MGAT4D: variants seen among roughly 807,000 people sequenced by gnomAD.
MGAT4D encodes MGAT4 family member D, also known as alpha-1,3-mannosyl-glycoprotein 4-beta-N-acetylglucosaminyltransferase-like protein MGAT4D.
A neutral mutation model predicts 15.9 loss-of-function variants in MGAT4D; 34 were observed. The ratio of observed to expected loss-of-function variants is 2.14; its 90% CI spans 1.62 to 2.84. The LOEUF (loss-of-function observed/expected upper bound fraction) is 2.84, where lower values mean the gene tolerates loss of function less well. Ranked by LOEUF, MGAT4D falls within the 30% of genes most tolerant of loss-of-function variation. MGAT4D has a pLI of 0.00. For missense variants in MGAT4D, 327 were observed against 140.2 expected, an observed-to-expected ratio of 2.33 and a Z score of -6.73; for synonymous variants, 112 against 48.2, an observed-to-expected ratio of 2.33 and a Z score of -5.49.
rs145900057 is a variant in MGAT4D at position 140,491,132 on chromosome 4, C to T, written c.94+6997G>A. The stretch of plus-strand genomic sequence containing the variant: ...GTTATTGTACATGTATTTTAAATTC[C>T]ACAGGACATTTCAATTATTCTCTTG... On this transcript the variant is annotated intron_variant, in intron 1 of 10. Transcript: ENST00000511113. Among the ~76,000 whole-genome samples the T allele has an allele frequency of 1.6e-3, 246 of 152,220 alleles. 2 individuals carry two copies. The highest frequency in any genetic ancestry group is 5.6e-3 in the African/African-American group (234 of 41,542).
chr4:140,460,198 C>G (rs1731082221), intron 7 of MGAT4D, among the ~76,000 whole-genome samples: 2 of 152,216 alleles, frequency 1.3e-5, no homozygotes, highest in South Asian at 4.1e-4. Flanking sequence ...CTCACAAATA[C>G]TTCAGTTTCT....
At chr4:140,498,053 C>G in intron 1 of MGAT4D, 76 bp downstream of exon 1, 1 of 660,868 alleles carries the variant, frequency 1.5e-6, no homozygotes, top group South Asian at 1.6e-5. Flanking sequence ...ACCCGCCGAC[C>G]CTGCCCCGCC....
chr4:140,479,639 A>C lies in MGAT4D; in HGVS notation c.254-12T>G. On this transcript the variant is annotated splice_polypyrimidine_tract_variant and intron_variant, in intron 2 of 10. Transcript: ENST00000511113. ...TGCTTTCTGTGCAACTGAAAGAAAA[A>C]AATAATGCTTCTGAGTATATGATCA... The C allele has an allele frequency of 2.3e-6, 1 of 441,506 alleles. No individual in the cohort carries two copies. 27.3% of individuals were successfully genotyped at this position (441,506 alleles called of 1,614,324 possible).
At chr4:140,453,920 A>T (rs1184747550) in intron 9 of MGAT4D, among the ~76,000 whole-genome samples, 1 of 152,012 alleles carries the variant, frequency 6.6e-6, no homozygotes, top group East Asian at 1.9e-4. Flanking sequence ...TCAACTTTTC[A>T]TTGCTATTTT....
intron 4 of MGAT4D, among the ~76,000 whole-genome samples, chr4:140,474,299 T>TA (rs1732171248): frequency 6.6e-6 from 1 of 152,140 alleles, no homozygotes; most frequent in Admixed American, 6.6e-5. Flanking sequence ...ATCAGGACAG[T>TA]AATAGCTACC....
chr4:140,493,626 C>G (rs920405151), intron 1 of MGAT4D, among the ~76,000 whole-genome samples: 2 of 152,054 alleles, frequency 1.3e-5, no homozygotes, highest in African/African-American at 4.8e-5. Flanking sequence ...GTAATTTTAT[C>G]ATACTTATGG....
chr4:140,455,974 A>G (rs1025798196), intron 9 of MGAT4D, among the ~76,000 whole-genome samples: 5 of 152,136 alleles, frequency 3.3e-5, no homozygotes, highest in Non-Finnish European at 7.4e-5. Context: ...CTGTCTCTGC[A>G]TAAAATACAA....
At chr4:140,490,602 C>T (rs935820278) in intron 1 of MGAT4D, among the ~76,000 whole-genome samples, 1 of 152,138 alleles carries the variant, frequency 6.6e-6, no homozygotes, top group Admixed American at 6.5e-5. Context: ...GGCCCAGACC[C>T]AATAAGAGAC....
intron 10 of MGAT4D, among the ~76,000 whole-genome samples, chr4:140,446,566 A>T (rs763907444): frequency 6.6e-6 from 1 of 151,458 alleles, no homozygotes; most frequent in Non-Finnish European, 1.5e-5. Context: ...TCTTTTCTTC[A>T]TTATTACAAT....
At chr4:140,454,913 T>G (rs1384852110) in intron 9 of MGAT4D, among the ~76,000 whole-genome samples, 1 of 151,354 alleles carries the variant, frequency 6.6e-6, no homozygotes, top group Non-Finnish European at 1.5e-5. Flanking sequence ...ATCCTTTTAG[T>G]ATCTGTGGAG....
At chr4:140,479,730 G>A (rs4956447) in intron 2 of MGAT4D, 103 bp from the exon 3 acceptor site, 80,876 of 342,384 alleles carry the variant, frequency 0.24, 10,606 homozygotes, top group East Asian at 0.45. Context: ...AGATTAATTT[G>A]GCATTTAATA....
At chr4:140,459,775 A>T in intron 7 of MGAT4D, 149 bp from the exon 8 acceptor site, 1 of 274,260 alleles carries the variant, frequency 3.6e-6, no homozygotes, top group Non-Finnish European at 6.8e-6. Flanking sequence ...AATTAATTGA[A>T]GGTATTTACA....
intron 9 of MGAT4D, among the ~76,000 whole-genome samples, chr4:140,452,812 A>T (rs75566581): frequency 0.014 from 2,057 of 152,248 alleles, 47 homozygotes; most frequent in African/African-American, 0.047. Context: ...CATTTAAAAA[A>T]ATTTCACCCA....
chr4:140,496,631 G>A (rs1194489383), intron 1 of MGAT4D, among the ~76,000 whole-genome samples: 1 of 152,016 alleles, frequency 6.6e-6, no homozygotes, highest in Non-Finnish European at 1.5e-5. Context: ...TCACCTGAGG[G>A]CAGGAGTTTG....
intron 2 of MGAT4D, among the ~76,000 whole-genome samples, chr4:140,481,303 T>A (rs528664850): frequency 2.0e-5 from 3 of 151,512 alleles, no homozygotes; most frequent in Admixed American, 6.6e-5. Flanking sequence ...GAGCCTGTTT[T>A]AAAAAAAAAT....
chr4:140,461,892 C>CACAT lies in MGAT4D; in HGVS notation c.762+36_762+37insATGT, dbSNP rs1362101818. On this transcript the variant is annotated intron_variant, in intron 7 of 10. Transcript: ENST00000511113. Reference sequence around the variant, plus strand: ...TATAATTGGTGTATACACACACACACACACACACACACACACACACACACA... The same window carrying CACAT: ...TATAATTGGTGTATACACACACACACACATACACACACACACACACACACACACA... The CACAT allele has an allele frequency of 7.7e-6, 5 of 647,488 alleles. No individual in the cohort carries two copies. The African/African-American group carries it at 8.9e-5, about 12-fold the overall frequency. The allele number at this position is 647,488 out of a possible 1,614,324, so 40.1% of individuals were successfully genotyped here. A position where few individuals can be genotyped will look rare whatever the true frequency, so the allele number is the denominator to read the frequency against.
chr4:140,481,686 T>C (rs1005948183), intron 2 of MGAT4D, among the ~76,000 whole-genome samples: 3 of 152,224 alleles, frequency 2.0e-5, no homozygotes, highest in Admixed American at 1.3e-4. Flanking sequence ...TGCTAAGTGA[T>C]AGAAGCAAGT....
In MGAT4D at chr4:140,482,338, G is replaced by A. The variant is rs1732790555; in HGVS notation, c.242C>T (p.Ser81Leu). 4 of 622,144 alleles carry A rather than the reference G, an allele frequency of 6.4e-6. No homozygotes were observed. Among genetic ancestry groups the A allele is most frequent in the South Asian group, 5.6e-5 (3 of 54,048 alleles). 38.5% of individuals were successfully genotyped at this position (622,144 alleles called of 1,614,324 possible). Residue 81 changes from serine to leucine, a missense_variant, in exon 2 of 11, where the codon TCA becomes TTA. By Grantham distance (145) the Ser-to-Leu change is moderately radical. Transcript: ENST00000511113. ...AAATCAACACAAACCTAAGTTTCCTGACAAAATTTCTCTCTTTGTAATTTC... is the reference window on the plus strand; with the variant it reads ...AAATCAACACAAACCTAAGTTTCCTAACAAAATTTCTCTCTTTGTAATTTC... ...KYEITKREILSGNLVAQKADI... is the reference protein window; with the variant it reads ...KYEITKREILLGNLVAQKADI...
intron 1 of MGAT4D, among the ~76,000 whole-genome samples, chr4:140,484,654 T>C (rs1732977822): frequency 6.6e-6 from 1 of 152,166 alleles, no homozygotes; most frequent in Non-Finnish European, 1.5e-5. Flanking sequence ...CCTACTCATC[T>C]GACAAAGGGC....
Sources: gnomAD v4.1 joint callset for allele counts (sites outside exome capture counted in the v4.1 genomes callset) on GRCh38, gnomAD v4.1.1 for gene constraint, MANE v1.5 for transcripts, NCBI Gene and HGNC (gene_info 2026-07-23, HGNC 2026-07-21) for gene names.